The following HELZ variants were observed in gnomAD, a reference collection of about 807,000 sequenced individuals.
HELZ encodes ATP-dependent RNA helicase with zinc finger domain.
In HELZ, 23 loss-of-function variants were observed where a neutral mutation model predicts 218.2. That is an observed-to-expected ratio of 0.11 (90% confidence interval 0.08 to 0.15). The LOEUF is 0.15. Ranked by LOEUF, HELZ falls within the 10% of genes least tolerant of loss-of-function variation. The probability of loss-of-function intolerance (pLI) is 1.00; values close to 1 mark genes in which losing one functional copy is unlikely to be tolerated. For missense variants in HELZ, 1,813 were observed against 2,353.7 expected (o/e 0.77, Z 4.75); for synonymous variants, 814 against 829.4 (o/e 0.98, Z 0.32).
chr17:67,119,988 C>CTTTTAT (rs773243640), intron 27 of HELZ: 1 of 160,620 alleles, frequency 6.2e-6, no homozygotes, highest in Non-Finnish European at 1.1e-5. Flanking sequence ...GATTCTCTCC[C>CTTTTAT]TTTTCTTTTT....
intron 13 of HELZ, chr17:67,176,201 A>G (rs1489925293): frequency 6.6e-6 from 1 of 152,204 alleles, no homozygotes; most frequent in Non-Finnish European, 1.5e-5. Context: ...ATTCTTTCCA[A>G]CATTTTTATA....
chr17:67,088,803 T>A (rs1026410641), intron 31 of HELZ, among the ~76,000 whole-genome samples: 1 of 152,252 alleles, frequency 6.6e-6, no homozygotes, highest in African/African-American at 2.4e-5. Context: ...TTTGATTTGG[T>A]TTTCTAGAAT....
At chr17:67,175,771 CAT>C (rs1451333450) in intron 13 of HELZ, among the ~76,000 whole-genome samples, 1 of 152,204 alleles carries the variant, frequency 6.6e-6, no homozygotes, top group African/African-American at 2.4e-5. Flanking sequence ...CTACTTGTCA[CAT>C]GTTAGGCAGG....
intron 32 of HELZ, among the ~76,000 whole-genome samples, chr17:67,085,923 G>A (rs1313526557): frequency 6.6e-6 from 1 of 152,110 alleles, no homozygotes; most frequent in Non-Finnish European, 1.5e-5. Flanking sequence ...TATCCATTCC[G>A]ATCCCTTTCT....
chr17:67,148,462 T>C (rs2038576631), intron 20 of HELZ, 107 bp downstream of exon 20: 1 of 874,260 alleles, frequency 1.1e-6, no homozygotes, highest in African/African-American at 1.7e-5. Context: ...AGGGACACTA[T>C]GTAAGTGTGT....
At chr17:67,174,951 G>C (rs537911912) in intron 13 of HELZ, among the ~76,000 whole-genome samples, 1 of 152,206 alleles carries the variant, frequency 6.6e-6, no homozygotes, top group Non-Finnish European at 1.5e-5. Flanking sequence ...AATGTGTTCA[G>C]AACACACTTA....
chr17:67,236,746 C>G (rs2041195754), intron 3 of HELZ, among the ~76,000 whole-genome samples: 3 of 151,932 alleles, frequency 2.0e-5, no homozygotes, highest in East Asian at 1.9e-4. Context: ...GATAATAACC[C>G]AACATTTAAC....
rs2041217730 is a variant in HELZ at position 67,237,592 on chromosome 17, G to A, written c.-19+1841C>T. 2.6e-5 allele frequency among the ~76,000 whole-genome samples: 4 copies of A among 152,162 alleles called. No individual in the cohort carries two copies. The South Asian group carries it at 8.3e-4, about 32-fold the overall frequency. On this transcript the variant is annotated intron_variant, in intron 3 of 32. Transcript: ENST00000358691. ...TTTTTTTAACTACAAAAAACACAAA[G>A]CTAAAAAGTCCAGCTTAAACCAGAT...
chr17:67,175,869 G>A (rs1261295375), intron 13 of HELZ, among the ~76,000 whole-genome samples: 1 of 152,046 alleles, frequency 6.6e-6, no homozygotes, highest in Non-Finnish European at 1.5e-5. Flanking sequence ...TGATCCAGCT[G>A]ATTTACATTT....
At chr17:67,174,586 G>A (rs2144199261) in intron 13 of HELZ, among the ~76,000 whole-genome samples, 1 of 152,256 alleles carries the variant, frequency 6.6e-6, no homozygotes, top group Admixed American at 6.5e-5. Flanking sequence ...ATCACCTGAG[G>A]TCAGGAGTTC....
chr17:67,082,087 G>C (rs1395858146), intron 32 of HELZ, among the ~76,000 whole-genome samples: 1 of 152,168 alleles, frequency 6.6e-6, no homozygotes, highest in East Asian at 1.9e-4. Flanking sequence ...ATTAAACACA[G>C]TGACCAGAAA....
At chr17:67,216,853 CTTCCTCTCACACTTTCCCCT>C (rs565195269) in intron 4 of HELZ, among the ~76,000 whole-genome samples, 1,533 of 152,248 alleles carry the variant, frequency 0.01, 23 homozygotes, top group African/African-American at 0.034. Flanking sequence ...ACCAGGACTC[CTTCCTCTCACACTTTCCCCT>C]TTCCTCAGGG....
intron 18 of HELZ, 60 bp from the exon 19 acceptor site, chr17:67,150,045 C>G (rs2038627486): frequency 1.1e-6 from 1 of 925,736 alleles, no homozygotes; most frequent in African/African-American, 1.7e-5. Context: ...GGCAGAAGGA[C>G]TATAGTTATT....
intron 3 of HELZ, among the ~76,000 whole-genome samples, chr17:67,228,230 A>C (rs950619466): frequency 6.6e-6 from 1 of 152,262 alleles, no homozygotes; most frequent in Admixed American, 6.5e-5. Flanking sequence ...TATAAACAAT[A>C]AAACTTAAAG....
At chr17:67,096,251 T>C (rs924499781) in intron 31 of HELZ, among the ~76,000 whole-genome samples, 1 of 151,952 alleles carries the variant, frequency 6.6e-6, no homozygotes, top group African/African-American at 2.4e-5. Context: ...GTTCCATTTA[T>C]AGAGCACAGG....
intron 3 of HELZ, among the ~76,000 whole-genome samples, chr17:67,227,849 T>C (rs1041398826): frequency 1.3e-5 from 2 of 152,230 alleles, no homozygotes; most frequent in Admixed American, 1.3e-4. Flanking sequence ...GCTATATTCC[T>C]CAAATTAACT....
intron 13 of HELZ, among the ~76,000 whole-genome samples, chr17:67,177,257 T>C (rs1329652377): frequency 6.6e-6 from 1 of 152,136 alleles, no homozygotes; most frequent in Non-Finnish European, 1.5e-5. Context: ...CCAGCCTTAG[T>C]TACTTGATCA....
intron 5 of HELZ, among the ~76,000 whole-genome samples, chr17:67,212,252 T>C (rs934021765): frequency 6.8e-5 from 9 of 131,504 alleles, no homozygotes; most frequent in Admixed American, 6.8e-4. Flanking sequence ...GAGGCACAGG[T>C]TGCAGTGAGC....
intron 4 of HELZ, among the ~76,000 whole-genome samples, chr17:67,216,291 T>C (rs571749654): frequency 6.6e-6 from 1 of 152,320 alleles, no homozygotes; most frequent in African/African-American, 2.4e-5. Flanking sequence ...GCATACACTC[T>C]GTCTTCCTTC....
Sources: gnomAD v4.1 joint callset for allele counts (sites outside exome capture counted in the v4.1 genomes callset) on GRCh38, gnomAD v4.1.1 for gene constraint, MANE v1.5 for transcripts, NCBI Gene and HGNC (gene_info 2026-07-23, HGNC 2026-07-21) for gene names.